Variants in TBL1XR1 observed in about 807,000 individuals in gnomAD.
The protein encoded by TBL1XR1 is F-box-like/WD repeat-containing protein TBL1XR1.
Under a neutral mutation model 66.9 loss-of-function variants are expected in TBL1XR1, and 5 were observed. The observed-to-expected ratio is 0.07, with a 90% confidence interval of 0.04 to 0.16. The LOEUF is 0.16. TBL1XR1 is among the 10% of genes least tolerant of loss of function. The pLI, the probability that TBL1XR1 is intolerant of heterozygous loss-of-function variation, is 1.00. For synonymous variants in TBL1XR1, 210 were observed against 206.0 expected (o/e 1.02, Z -0.17); for missense variants, 238 against 623.2 (o/e 0.38, Z 6.58).
chr3:177,196,598 T>C (rs1293078328), intron 1 of TBL1XR1: 1 of 149,028 alleles, frequency 6.7e-6, no homozygotes, highest in Non-Finnish European at 1.5e-5. Context: ...GGAGGGGAGA[T>C]TTCCATTGCC....
intron 1 of TBL1XR1, among the ~76,000 whole-genome samples, chr3:177,159,628 G>A (rs1182402367): frequency 6.6e-6 from 1 of 152,138 alleles, no homozygotes; most frequent in African/African-American, 2.4e-5. Context: ...CTAAAGATAT[G>A]TCAGTGTGCA....
At chr3:177,069,787 GGAAGGAAAGGAAGGAA>G (rs1247903401) in intron 2 of TBL1XR1, among the ~76,000 whole-genome samples, 1 of 78,030 alleles carries the variant, frequency 1.3e-5, no homozygotes, top group African/African-American at 5.9e-5. Flanking sequence ...GGAAGGAAAA[GGAAGGAAAGGAAGGAA>G]GGAAGGAAGG....
intron 1 of TBL1XR1, among the ~76,000 whole-genome samples, chr3:177,183,557 C>G (rs1027138889): frequency 6.6e-6 from 1 of 152,050 alleles, no homozygotes; most frequent in Admixed American, 6.6e-5. Flanking sequence ...TTCACCCAGG[C>G]TGGAGTGCAG....
Position 177,025,390 on chromosome 3 carries a change from A to G in TBL1XR1, c.*108T>C. On this transcript the variant is annotated 3_prime_UTR_variant, in exon 16 of 16. Coordinates refer to ENST00000457928, the MANE Select transcript of TBL1XR1 (RefSeq NM_024665.7). ...ATATATTTCTTTTAGATTTGGCTGTAGTGGACTGGCCATGGTTCAAGTGGG... is the reference window on the plus strand; with the variant it reads ...ATATATTTCTTTTAGATTTGGCTGTGGTGGACTGGCCATGGTTCAAGTGGG... 8.9e-7 allele frequency: 1 copy of G among 1,128,250 alleles called. No homozygotes were observed. Among genetic ancestry groups the G allele is most frequent in the Non-Finnish European group, 1.3e-6 (1 of 764,080 alleles). The allele number at this position is 1,128,250 out of a possible 1,614,324, so 69.9% of individuals were successfully genotyped here.
intron 7 of TBL1XR1, chr3:177,047,787 T>C (rs1425484570): frequency 4.1e-6 from 2 of 488,018 alleles, no homozygotes; most frequent in African/African-American, 3.9e-5. Flanking sequence ...CAGTGATTGC[T>C]CTGGACCAGG....
chr3:177,125,397 C>G (rs1287409654), intron 1 of TBL1XR1, among the ~76,000 whole-genome samples: 1 of 152,032 alleles, frequency 6.6e-6, no homozygotes, highest in African/African-American at 2.4e-5. Context: ...TAAGGGTTGA[C>G]AAGGATATGA....
At chr3:177,196,435 A>T (rs1736856837) in intron 1 of TBL1XR1, 1 of 151,548 alleles carries the variant, frequency 6.6e-6, no homozygotes, top group Non-Finnish European at 1.5e-5. Context: ...AAAAGCACTA[A>T]GTTACAAATA....
chr3:177,150,518 A>G (rs1324189636), intron 1 of TBL1XR1, among the ~76,000 whole-genome samples: 1 of 152,234 alleles, frequency 6.6e-6, no homozygotes, highest in African/African-American at 2.4e-5. Flanking sequence ...TCTTTCAGCA[A>G]CTACAGACTG....
chr3:177,164,964 T>C (rs1405387427), intron 1 of TBL1XR1, among the ~76,000 whole-genome samples: 1 of 152,198 alleles, frequency 6.6e-6, no homozygotes, highest in Non-Finnish European at 1.5e-5. Flanking sequence ...TTTTAATTTT[T>C]TTTTTTACCG....
At position 177,020,388 on chromosome 3, in the gene TBL1XR1, C is replaced by A. The variant is rs953259996; in HGVS notation, c.*5110G>T. The A allele has an allele frequency of 6.6e-6, 1 of 152,006 alleles. No homozygotes were observed. Among genetic ancestry groups the A allele is most frequent in the Non-Finnish European group, 1.5e-5 (1 of 67,970 alleles). The allele number at this position is 152,006 out of a possible 1,614,324, so 9.4% of individuals were successfully genotyped here. A position where few individuals can be genotyped will look rare whatever the true frequency, so the allele number is the denominator to read the frequency against. On this transcript the variant is annotated 3_prime_UTR_variant, in exon 16 of 16. Transcript: ENST00000457928. ...ATACTTTAATAAAAATAGTAAATAA[C>A]CCCTTCATTTAAAAAAATCTTATCT...
chr3:177,122,738 C>CA (rs1234457441), intron 1 of TBL1XR1, among the ~76,000 whole-genome samples: 8 of 152,082 alleles, frequency 5.3e-5, no homozygotes, highest in African/African-American at 1.9e-4. Context: ...AGCTGCAAAT[C>CA]AAAGCACAGA....
chr3:177,196,741 C>CG (rs1736908852), intron 1 of TBL1XR1, among the ~76,000 whole-genome samples: 1 of 99,708 alleles, frequency 1.0e-5, no homozygotes, highest in African/African-American at 3.3e-5. Flanking sequence ...AGCCTCCCCC[C>CG]CCAAACACAC....
chr3:177,098,869 CTA>C (rs1283479318), intron 1 of TBL1XR1, among the ~76,000 whole-genome samples: 10 of 152,144 alleles, frequency 6.6e-5, no homozygotes, highest in African/African-American at 2.4e-4. Flanking sequence ...TGTTCATAAT[CTA>C]TAATCATGGG....
intron 14 of TBL1XR1, chr3:177,027,090 G>C (rs2108381047): frequency 6.6e-6 from 1 of 152,206 alleles, no homozygotes; most frequent in Middle Eastern, 3.4e-3. Flanking sequence ...CTAACTCCTG[G>C]GCTAGAGTGA....
At chr3:177,169,705 C>T (rs2108920043) in intron 1 of TBL1XR1, among the ~76,000 whole-genome samples, 1 of 152,306 alleles carries the variant, frequency 6.6e-6, no homozygotes, top group South Asian at 2.1e-4. Context: ...AAACACTAAT[C>T]CCTCACTCTT....
intron 2 of TBL1XR1, among the ~76,000 whole-genome samples, chr3:177,087,693 A>AT (rs11331061): frequency 3.7e-4 from 56 of 149,922 alleles, no homozygotes; most frequent in South Asian, 1.3e-3. Flanking sequence ...CTCAAGCAAA[A>AT]TTTTTTTTTT....
In TBL1XR1 at chr3:177,038,083, T is replaced by G; in HGVS notation, c.1122+15A>C. 6.2e-7 allele frequency: 1 copy of G among 1,611,428 alleles called. No homozygotes were observed. Among genetic ancestry groups the G allele is most frequent in the East Asian group, 2.2e-5 (1 of 44,852 alleles). ...GTGACACCGCCAACCCATTTCTCCCTACTAAGCAAATTACCTTTAAAGTCA... is the reference window on the plus strand; with the variant it reads ...GTGACACCGCCAACCCATTTCTCCCGACTAAGCAAATTACCTTTAAAGTCA... On this transcript the variant is annotated intron_variant, in intron 12 of 15. Coordinates refer to ENST00000457928, the MANE Select transcript of TBL1XR1 (RefSeq NM_024665.7).
chr3:177,045,950 G>A (rs543183925), intron 10 of TBL1XR1, among the ~76,000 whole-genome samples, 179 bp downstream of exon 10: 2 of 152,196 alleles, frequency 1.3e-5, no homozygotes, highest in South Asian at 2.1e-4. Context: ...CACAGAAAAC[G>A]TTTGATGATC....
intron 2 of TBL1XR1, among the ~76,000 whole-genome samples, chr3:177,073,918 C>T (rs894761984): frequency 6.6e-6 from 1 of 152,278 alleles, no homozygotes; most frequent in South Asian, 2.1e-4. Context: ...TTCCTTCTAA[C>T]CAAAACTTGA....
Sources: allele counts gnomAD v4.1 joint callset (sites outside exome capture counted in the v4.1 genomes callset), GRCh38; gene constraint gnomAD v4.1.1; transcripts MANE v1.5; gene names NCBI Gene and HGNC (gene_info 2026-07-23, HGNC 2026-07-21).